AKNA: variants seen among roughly 807,000 people sequenced by gnomAD.
AKNA encodes the protein microtubule organization protein AKNA.
In AKNA, 67 loss-of-function variants were observed where a neutral mutation model predicts 138.8. That is an observed-to-expected ratio of 0.48 (90% CI 0.40 to 0.59). AKNA has a LOEUF of 0.59. AKNA is among the 20% of genes least tolerant of loss of function. The probability of loss-of-function intolerance (pLI) is 0.00; values close to 1 mark genes in which losing one functional copy is unlikely to be tolerated. For missense variants in AKNA, 1,813 were observed against 1,880.4 expected, an observed-to-expected ratio of 0.96 and a Z score of 0.66; for synonymous variants, 737 against 754.4, an observed-to-expected ratio of 0.98 and a Z score of 0.38.
rs1479293333 is a variant in AKNA, at chr9:114,359,634, A to G, written c.2452T>C (p.Cys818Arg). The change falls in exon 11 of 22, where the codon TGC becomes CGC. Residue 818 changes from cysteine (C) to arginine (R), a missense_variant. Physicochemically the swap from Cys to Arg is radical, Grantham distance 180. Coordinates refer to ENST00000374088, the MANE Select transcript of AKNA (RefSeq NM_001317950.2). ...TGACTTTTCTCAGCCTGCACCGGGC[A>G]CTGCCTTGGGAGGACCCTGGTGGCC... is the stretch of plus-strand genomic sequence containing the variant. ...AEATRVLPRQ[C>R]PVQAEKSHGA... is the part of the protein sequence containing the mutation. 2 of 1,614,154 alleles carry G rather than the reference A, an allele frequency of 1.2e-6. 1 individual carries two copies. Among genetic ancestry groups the G allele is most frequent in the Admixed American group, 3.3e-5 (2 of 60,018 alleles).
At chr9:114,395,736 TAAA>T (rs11297740), upstream of AKNA, among the ~76,000 whole-genome samples, 23,551 of 108,268 alleles carry the variant, frequency 0.22, 2,716 homozygotes, top group East Asian at 0.32. Flanking sequence ...CAGCTGTCTT[TAAA>T]AAAAAAAAAA....
At chr9:114,345,799 A>G (rs1428902029) in intron 18 of AKNA, 64 bp downstream of exon 18, 5 of 1,515,694 alleles carry the variant, frequency 3.3e-6, no homozygotes, top group East Asian at 2.3e-5. Flanking sequence ...AGGGCTTCTC[A>G]TAACAGAGGA....
At chr9:114,389,295 C>G (rs1476045356), upstream of AKNA, among the ~76,000 whole-genome samples, 1 of 152,034 alleles carries the variant, frequency 6.6e-6, no homozygotes, top group East Asian at 1.9e-4. Flanking sequence ...AACACTGGCC[C>G]CACCCAGGAC....
rs746886910 is a variant in AKNA at position 114,376,779 on chromosome 9, G to T, written c.1028C>A (p.Ser343Tyr). The T allele has an allele frequency of 6.2e-7, 1 of 1,612,582 alleles. No homozygotes were observed. Among genetic ancestry groups the T allele is most frequent in the East Asian group, 2.2e-5 (1 of 44,844 alleles). The change falls in exon 3 of 22, where the codon TCT (serine) becomes TAT (tyrosine). Residue 343 changes from serine (S) to tyrosine (Y), a missense_variant. Physicochemically the swap from Ser to Tyr is moderately radical, Grantham distance 144. Coordinates refer to ENST00000374088, the MANE Select transcript of AKNA (RefSeq NM_001317950.2). ...CCGGCCATACTTGGGGGCATTAGAAGAGGAGCGGCCAGCCAGAGTGGCTCC... is the reference window on the plus strand; with the variant it reads ...CCGGCCATACTTGGGGGCATTAGAATAGGAGCGGCCAGCCAGAGTGGCTCC... ...RQGATLAGRSSSNAPKYGRGQ... is the reference protein window; with the variant it reads ...RQGATLAGRSYSNAPKYGRGQ...
upstream of AKNA, among the ~76,000 whole-genome samples, chr9:114,397,540 G>T (rs1834569727): frequency 6.6e-6 from 1 of 152,162 alleles, no homozygotes; most frequent in Non-Finnish European, 1.5e-5. Context: ...TCAGAAGCAG[G>T]TCTTTAAACA....
chr9:114,346,896 A>C, intron 16 of AKNA, 112 bp from the exon 17 acceptor site: 1 of 856,428 alleles, frequency 1.2e-6, no homozygotes, highest in Non-Finnish European at 1.8e-6. Flanking sequence ...TGGAAGGAAG[A>C]GAGTATAGAA....
At chr9:114,362,821 A>G (rs1015759989) in intron 7 of AKNA, among the ~76,000 whole-genome samples, 6 of 152,196 alleles carry the variant, frequency 3.9e-5, no homozygotes, top group African/African-American at 1.4e-4. Flanking sequence ...AAGGACCCCA[A>G]TGTACCACAA....
At chr9:114,359,058 A>G (rs1413341842) in intron 11 of AKNA, 1 of 152,980 alleles carries the variant, frequency 6.5e-6, no homozygotes, top group Non-Finnish European at 1.4e-5. Context: ...GAAAAAGAGA[A>G]TGATATTCTT....
intron 4 of AKNA, among the ~76,000 whole-genome samples, chr9:114,372,301 C>T (rs1832825865): frequency 6.6e-6 from 1 of 152,062 alleles, no homozygotes; most frequent in Non-Finnish European, 1.5e-5. Context: ...AGCCAGGGGT[C>T]TGGGTGCTGG....
chr9:114,386,927 A>G (rs1210295791), intron 1 of AKNA, among the ~76,000 whole-genome samples: 1 of 151,810 alleles, frequency 6.6e-6, no homozygotes, highest in African/African-American at 2.4e-5. Context: ...CTTCCCATCC[A>G]GCCAGAGCTG....
chr9:114,352,693 C>T (rs1022177613), intron 14 of AKNA, among the ~76,000 whole-genome samples: 6 of 151,954 alleles, frequency 3.9e-5, no homozygotes, highest in South Asian at 4.2e-4. Flanking sequence ...GAGGCCGAGG[C>T]GGGCGGGTCA....
chr9:114,346,084 G>C (rs528683221), intron 17 of AKNA, 75 bp from the exon 18 acceptor site: 26 of 1,465,460 alleles, frequency 1.8e-5, no homozygotes, highest in Admixed American at 3.5e-5. Context: ...GGTATGCCAT[G>C]AGTTTAGGCT....
Position 114,368,463 on chromosome 9 carries a change from C to T in AKNA, c.1549G>A (p.Asp517Asn). 1 of 1,331,498 alleles carries T rather than the reference C, an allele frequency of 7.5e-7. No individual in the cohort carries two copies. The highest frequency in any genetic ancestry group is 9.7e-7 in the Non-Finnish European group (1 of 1,031,056). 82.5% of individuals were successfully genotyped at this position (1,331,498 alleles called of 1,614,324 possible). The change falls in exon 5 of 22, where the codon GAC becomes AAC. Residue 517 changes from aspartate to asparagine, a missense_variant. Asp to Asn is a conservative substitution (Grantham distance 23, BLOSUM62 1). Coordinates refer to ENST00000374088, the MANE Select transcript of AKNA (RefSeq NM_001317950.2). ...CCTGAGGCCGCAGAGGCCTGGGGGTCCTCGGCCGGGCCCGGCCACCACTCT... is the reference window on the plus strand; with the variant it reads ...CCTGAGGCCGCAGAGGCCTGGGGGTTCTCGGCCGGGCCCGGCCACCACTCT... ...SAEWWPGPAE[D>N]PQASAASGWP... is the part of the protein sequence containing the mutation.
chr9:114,356,224 C>G lies in AKNA; in HGVS notation c.2847-88G>C, dbSNP rs542172376. The G allele has an allele frequency of 1.6e-5, 20 of 1,219,592 alleles. No individual in the cohort carries two copies. The Admixed American group carries it at 4.9e-4, about 30-fold the overall frequency. The allele number at this position is 1,219,592 out of a possible 1,614,324, so 75.5% of individuals were successfully genotyped here. A position where few individuals can be genotyped will look rare whatever the true frequency, so the allele number is the denominator to read the frequency against. On this transcript the variant is annotated intron_variant, in intron 13 of 21. Coordinates refer to ENST00000374088, the MANE Select transcript of AKNA (RefSeq NM_001317950.2). ...CATCTGAGCCCCTCCACATGCTAAC[C>G]CAATAAGCTCCCACCCTTTGTAACT... is the stretch of plus-strand genomic sequence containing the variant.
chr9:114,353,671 C>T (rs1279455425), intron 14 of AKNA, among the ~76,000 whole-genome samples: 3 of 152,186 alleles, frequency 2.0e-5, no homozygotes, highest in African/African-American at 7.2e-5. Flanking sequence ...AGATTACCCA[C>T]ACCTATTACA....
chr9:114,340,625 T>A (rs371660139), intron 21 of AKNA, among the ~76,000 whole-genome samples: 191 of 152,172 alleles, frequency 1.3e-3, no homozygotes, highest in African/African-American at 4.3e-3. Context: ...ATTTAACAGA[T>A]GGGGAAGTGG....
intron 19 of AKNA, 26 bp from the exon 20 acceptor site, chr9:114,342,151 G>C (rs1830400378): frequency 6.7e-7 from 1 of 1,498,102 alleles, no homozygotes. Flanking sequence ...GAGATGTCAG[G>C]GGAGGATTAC....
chr9:114,341,465 G>T lies in AKNA; in HGVS notation c.4067+68C>A. On this transcript the variant is annotated intron_variant, in intron 21 of 21. Coordinates refer to ENST00000374088, the MANE Select transcript of AKNA (RefSeq NM_001317950.2). ...TACTGCATCTCAGCTGCCCCACCCA[G>T]GTCTGAATGCTAACATATTCAGTGA... The T allele has an allele frequency of 3.8e-6, 6 of 1,593,294 alleles. No homozygotes were observed. The South Asian group carries it at 6.7e-5, about 18-fold the overall frequency.
At chr9:114,344,747 T>A (rs1009729537) in intron 18 of AKNA, 1 of 155,550 alleles carries the variant, frequency 6.4e-6, no homozygotes, top group Non-Finnish European at 1.5e-5. Context: ...AGATCACCTT[T>A]AAAGGCTACA....
Sources: gnomAD v4.1 joint callset for allele counts (sites outside exome capture counted in the v4.1 genomes callset) on GRCh38, gnomAD v4.1.1 for gene constraint, MANE v1.5 for transcripts, NCBI Gene and HGNC (gene_info 2026-07-23, HGNC 2026-07-21) for gene names.